Variants in LAMP3 observed in about 807,000 individuals in gnomAD.
LAMP3 encodes the protein lysosome-associated membrane glycoprotein 3.
A neutral mutation model predicts 34.8 loss-of-function variants in LAMP3; 26 were observed. That is an observed-to-expected ratio of 0.75 (90% CI 0.55 to 1.04). The LOEUF is 1.04. Ranked by LOEUF, LAMP3 falls within the 50% of genes least tolerant of loss-of-function variation. The pLI is 0.00. For synonymous variants in LAMP3, 180 were observed against 201.9 expected (o/e 0.89, Z 0.92); for missense variants, 495 against 524.0 (o/e 0.94, Z 0.54).
chr3:183,148,708 G>A (rs1288112858), intron 3 of LAMP3, among the ~76,000 whole-genome samples: 1 of 152,168 alleles, frequency 6.6e-6, no homozygotes, highest in Non-Finnish European at 1.5e-5. Flanking sequence ...ATGCTGGTGA[G>A]GATGTGGAGA....
Position 183,153,812 on chromosome 3 carries a change from G to T in LAMP3, c.629C>A (p.Thr210Lys). Residue 210 changes from threonine to lysine, a missense_variant, in exon 2 of 6, where the codon ACG becomes AAG. Thr to Lys is a moderately conservative substitution (Grantham distance 78). Transcript: ENST00000265598. ...NTTRTAAPAS[T>K]VPGPTLAPQP... ...AGGTGCAAGGGTGGGCCCAGGAACC[G>T]TGGAGGCAGGTGCAGCTGTGCGGGT... The T allele has an allele frequency of 6.3e-7, 1 of 1,597,724 alleles. No homozygotes were observed. The highest frequency in any genetic ancestry group is 1.1e-5 in the South Asian group (1 of 87,386).
intron 1 of LAMP3, among the ~76,000 whole-genome samples, chr3:183,156,893 G>A (rs1048686319): frequency 5.3e-5 from 8 of 152,166 alleles, no homozygotes; most frequent in Admixed American, 3.3e-4. Flanking sequence ...GGTTTGAGGG[G>A]TGGTGGAGGT....
chr3:183,124,228 C>A lies in LAMP3; in HGVS notation c.1118-14G>T. 6 of 1,556,520 alleles carry A rather than the reference C, an allele frequency of 3.9e-6. No individual in the cohort carries two copies. Among genetic ancestry groups the A allele is most frequent in the Non-Finnish European group, 5.2e-6 (6 of 1,156,366 alleles). The stretch of plus-strand genomic sequence containing the variant: ...AGCACTCATCCACTAAGAGAGAAAA[C>A]AAATACAATACAGTGGGTAAGGTTT... On this transcript the variant is annotated splice_polypyrimidine_tract_variant and intron_variant, in intron 5 of 5. Transcript: ENST00000265598.
chr3:183,140,035 T>C, intron 4 of LAMP3, among the ~76,000 whole-genome samples: 1 of 152,144 alleles, frequency 6.6e-6, no homozygotes, highest in East Asian at 1.9e-4. Flanking sequence ...TATGAGCAGA[T>C]GGGCAAATTA....
intron 3 of LAMP3, among the ~76,000 whole-genome samples, chr3:183,151,767 C>T (rs1471662324): frequency 6.6e-6 from 1 of 152,130 alleles, no homozygotes; most frequent in Non-Finnish European, 1.5e-5. Flanking sequence ...AAGTCCTTTC[C>T]TCCATTTTTC....
chr3:183,156,510 T>A (rs1720826662), intron 1 of LAMP3, among the ~76,000 whole-genome samples: 1 of 152,168 alleles, frequency 6.6e-6, no homozygotes, highest in South Asian at 2.1e-4. Flanking sequence ...TGTGCTGGGC[T>A]GAGAAAGGGA....
At chr3:183,163,109 C>A (rs1192586654), upstream of LAMP3, among the ~76,000 whole-genome samples, 1 of 151,800 alleles carries the variant, frequency 6.6e-6, no homozygotes, top group Non-Finnish European at 1.5e-5. Flanking sequence ...AGGCATGCAC[C>A]ACCACACCCG....
At chr3:183,128,560 C>T (rs1237801031) in intron 5 of LAMP3, among the ~76,000 whole-genome samples, 2 of 152,132 alleles carry the variant, frequency 1.3e-5, no homozygotes, top group Non-Finnish European at 2.9e-5. Flanking sequence ...TAACCACGTA[C>T]AAATATCATT....
chr3:183,148,007 A>G (rs891230838), intron 3 of LAMP3, among the ~76,000 whole-genome samples: 1 of 152,082 alleles, frequency 6.6e-6, no homozygotes, highest in Non-Finnish European at 1.5e-5. Context: ...GTGAGTCACC[A>G]CTCCAGCCAA....
At chr3:183,162,916 G>T, upstream of LAMP3, 1 of 482,530 alleles carries the variant, frequency 2.1e-6, no homozygotes, top group Non-Finnish European at 3.6e-6. Flanking sequence ...CGTGGTCCCG[G>T]CAGCGCCGGC....
chr3:183,138,510 A>AG (rs1400730423), intron 4 of LAMP3, among the ~76,000 whole-genome samples: 3 of 152,184 alleles, frequency 2.0e-5, no homozygotes, highest in Admixed American at 6.5e-5. Context: ...TACCTGGCAC[A>AG]GGGGGATACA....
Position 183,135,906 on chromosome 3 carries a change from G to C in LAMP3, c.947-19C>G. The C allele has an allele frequency of 1.9e-6, 3 of 1,598,462 alleles. No homozygotes were observed. The highest frequency in any genetic ancestry group is 2.6e-6 in the Non-Finnish European group (3 of 1,165,628). Reference sequence around the variant, plus strand: ...ATTGTCTCTGAAAAGGTGACAGATAGATGCATAAGAGTCCTGAGATGTAAC... The same window carrying C: ...ATTGTCTCTGAAAAGGTGACAGATACATGCATAAGAGTCCTGAGATGTAAC... On this transcript the variant is annotated intron_variant, in intron 4 of 5. Coordinates refer to ENST00000265598, the MANE Select transcript of LAMP3 (RefSeq NM_014398.4).
At chr3:183,127,702 CG>C (rs1240393000) in intron 5 of LAMP3, among the ~76,000 whole-genome samples, 1 of 152,112 alleles carries the variant, frequency 6.6e-6, no homozygotes, top group African/African-American at 2.4e-5. Context: ...TGCCAGCAGC[CG>C]CCCCCCAAGC....
At chr3:183,155,920 A>G (rs1021800692) in intron 1 of LAMP3, among the ~76,000 whole-genome samples, 1 of 152,256 alleles carries the variant, frequency 6.6e-6, no homozygotes, top group Non-Finnish European at 1.5e-5. Context: ...TTCATGGACC[A>G]TTAAGCACAC....
intron 5 of LAMP3, among the ~76,000 whole-genome samples, chr3:183,127,128 CT>C (rs1467112626): frequency 6.6e-6 from 1 of 152,114 alleles, no homozygotes; most frequent in East Asian, 1.9e-4. Flanking sequence ...TCTCCCCTCT[CT>C]TCAACTCCCC....
chr3:183,143,583 C>T (rs996567182), intron 3 of LAMP3, among the ~76,000 whole-genome samples: 5 of 152,136 alleles, frequency 3.3e-5, no homozygotes, highest in African/African-American at 1.2e-4. Flanking sequence ...TCACCCTTTC[C>T]ATATGGTATT....
At chr3:183,156,974 C>A (rs1004867523) in intron 1 of LAMP3, among the ~76,000 whole-genome samples, 1 of 152,130 alleles carries the variant, frequency 6.6e-6, no homozygotes, top group African/African-American at 2.4e-5. Context: ...GGGTGCCCTC[C>A]AGTGACCCCA....
intron 5 of LAMP3, chr3:183,132,771 G>A (rs1180899138): frequency 1.0e-6 from 1 of 985,322 alleles, no homozygotes; most frequent in African/African-American, 1.7e-5. Context: ...TATGATGCTG[G>A]AATTCCCAAG....
rs1262071208 is a variant in LAMP3, at chr3:183,162,659, G to A, written c.-4C>T. 3 of 1,537,154 alleles carry A rather than the reference G, an allele frequency of 2.0e-6. No homozygotes were observed. The Admixed American group carries it at 6.0e-5, about 31-fold the overall frequency. The stretch of plus-strand genomic sequence containing the variant: ...CCGCGCTGAGCTGCCGGGGCATGGT[G>A]GGCGCTGGGCGAGGTTCTGCAGCGT... On this transcript the variant is annotated 5_prime_UTR_variant, in exon 1 of 6. Coordinates refer to ENST00000265598, the MANE Select transcript of LAMP3 (RefSeq NM_014398.4).
Sources: allele counts gnomAD v4.1 joint callset (sites outside exome capture counted in the v4.1 genomes callset), GRCh38; gene constraint gnomAD v4.1.1; transcripts MANE v1.5; gene names NCBI Gene and HGNC (gene_info 2026-07-23, HGNC 2026-07-21).